The following RARB variants were observed in gnomAD, a reference collection of about 807,000 sequenced individuals.
RARB encodes retinoic acid receptor beta, also known as HBV-activated protein.
Under a neutral mutation model 51.9 loss-of-function variants are expected in RARB, and 17 were observed. The ratio of observed to expected loss-of-function variants is 0.33; its 90% CI spans 0.22 to 0.49. The LOEUF (loss-of-function observed/expected upper bound fraction) is 0.49. Among genes scored for constraint, RARB ranks in the 20% least tolerant of loss-of-function variants. The pLI is 0.99. For synonymous variants in RARB, 215 were observed against 195.4 expected, an observed-to-expected ratio of 1.10 and a Z score of -0.84; for missense variants, 369 against 550.8, an observed-to-expected ratio of 0.67 and a Z score of 3.30.
intron 2 of RARB, among the ~76,000 whole-genome samples, chr3:24,901,950 A>G (rs942400885): frequency 6.6e-6 from 1 of 151,984 alleles, no homozygotes; most frequent in African/African-American, 2.4e-5. Flanking sequence ...GTAATGACCA[A>G]GACTGCAATT....
At chr3:25,595,536 T>C (rs1285590652) in intron 7 of RARB, among the ~76,000 whole-genome samples, 3 of 152,198 alleles carry the variant, frequency 2.0e-5, no homozygotes, top group Non-Finnish European at 4.4e-5. Flanking sequence ...TACGGTATCT[T>C]TGATTTTTAA....
intron 1 of RARB, among the ~76,000 whole-genome samples, chr3:25,449,217 G>A (rs186910664): frequency 2.5e-4 from 38 of 152,124 alleles, no homozygotes; most frequent in African/African-American, 9.2e-4. Context: ...GCCGCCAGAG[G>A]CCTTTGGAAT....
intron 2 of RARB, among the ~76,000 whole-genome samples, chr3:24,933,947 T>C (rs1005387596): frequency 3.3e-5 from 5 of 152,164 alleles, no homozygotes; most frequent in African/African-American, 1.2e-4. Flanking sequence ...ATCAACTGTA[T>C]ACATTCTAAT....
At chr3:24,962,952 G>T (rs1383469183) in intron 2 of RARB, among the ~76,000 whole-genome samples, 1 of 152,080 alleles carries the variant, frequency 6.6e-6, no homozygotes, top group Non-Finnish European at 1.5e-5. Context: ...TAAGTAATTT[G>T]CCGAAGTCAC....
chr3:24,883,230 G>A (rs1002195845), intron 2 of RARB, among the ~76,000 whole-genome samples: 1 of 152,162 alleles, frequency 6.6e-6, no homozygotes, highest in African/African-American at 2.4e-5. Context: ...TTTCCCAAAA[G>A]CAAGTTGCAT....
At chr3:25,406,192 C>A (rs192559623) in intron 5 of RARB, among the ~76,000 whole-genome samples, 1 of 152,286 alleles carries the variant, frequency 6.6e-6, no homozygotes, top group East Asian at 1.9e-4. Context: ...ATATACATAC[C>A]CACCTTTTGG....
At chr3:25,051,158 A>C (rs2125299646) in intron 2 of RARB, among the ~76,000 whole-genome samples, 1 of 152,338 alleles carries the variant, frequency 6.6e-6, no homozygotes, top group Non-Finnish European at 1.5e-5. Context: ...GTAAGTGAAA[A>C]TGTCTGATTA....
At chr3:25,448,867 A>C (rs1449410589) in intron 1 of RARB, among the ~76,000 whole-genome samples, 1 of 152,124 alleles carries the variant, frequency 6.6e-6, no homozygotes, top group Non-Finnish European at 1.5e-5. Context: ...GTCTACTTCA[A>C]GTTACTCCTC....
intron 3 of RARB, among the ~76,000 whole-genome samples, chr3:25,516,009 G>A (rs762787991): frequency 1.3e-5 from 2 of 152,196 alleles, no homozygotes; most frequent in Non-Finnish European, 2.9e-5. Flanking sequence ...TCTTCAGGCA[G>A]TGTTTTAACA....
At position 25,590,745 on chromosome 3, in the gene RARB, C is replaced by A. The variant is rs568703571; in HGVS notation, c.787-2758C>A. 1.5e-4 allele frequency among the ~76,000 whole-genome samples: 23 copies of A among 152,286 alleles called. No homozygotes were observed. In the South Asian group the frequency reaches 4.1e-3, roughly 27 times the overall value. On this transcript the variant is annotated intron_variant, in intron 5 of 7. Transcript: ENST00000330688. Reference sequence around the variant, plus strand: ...GTGTGGGCCAGGCTGGTCTCGAGTTCCTGACTGCAGATGATCTATCCGCCT... The same window carrying A: ...GTGTGGGCCAGGCTGGTCTCGAGTTACTGACTGCAGATGATCTATCCGCCT...
At chr3:25,433,413 T>G (rs1050175087) in intron 1 of RARB, among the ~76,000 whole-genome samples, 15 of 152,372 alleles carry the variant, frequency 9.8e-5, no homozygotes, top group African/African-American at 3.1e-4. Flanking sequence ...CTTATGAACA[T>G]GAATTCCTTT....
At chr3:24,956,437 A>C (rs4340667) in intron 2 of RARB, among the ~76,000 whole-genome samples, 1 of 152,228 alleles carries the variant, frequency 6.6e-6, no homozygotes, top group African/African-American at 2.4e-5. Context: ...CATATGAACA[A>C]TACTCATGTA....
intron 1 of RARB, among the ~76,000 whole-genome samples, chr3:25,429,602 C>T (rs1279326267): frequency 6.6e-6 from 1 of 152,170 alleles, no homozygotes; most frequent in Non-Finnish European, 1.5e-5. Context: ...CCATATCTTG[C>T]AGTTCAGCCC....
chr3:25,098,620 G>T (rs1173457772), intron 3 of RARB, among the ~76,000 whole-genome samples: 1 of 152,110 alleles, frequency 6.6e-6, no homozygotes, highest in African/African-American at 2.4e-5. Flanking sequence ...TGTGAATAAG[G>T]TTTTATTAGA....
chr3:24,901,858 A>C (rs1034458205), intron 2 of RARB, among the ~76,000 whole-genome samples: 1 of 152,142 alleles, frequency 6.6e-6, no homozygotes, highest in African/African-American at 2.4e-5. Context: ...AGCATTTACT[A>C]TACCAGGTGC....
intron 2 of RARB, among the ~76,000 whole-genome samples, chr3:24,903,696 A>C (rs956325796): frequency 6.6e-6 from 1 of 152,160 alleles, no homozygotes; most frequent in Non-Finnish European, 1.5e-5. Context: ...CTTGATGTTC[A>C]AGTGGAAAGA....
chr3:24,997,528 A>G (rs1279014239), intron 2 of RARB, among the ~76,000 whole-genome samples: 1 of 151,402 alleles, frequency 6.6e-6, no homozygotes, highest in East Asian at 1.9e-4. Context: ...TTAATTTCTT[A>G]TTGTTTATTT....
intron 2 of RARB, among the ~76,000 whole-genome samples, chr3:24,863,916 C>T (rs1032254630): frequency 6.6e-6 from 1 of 152,044 alleles, no homozygotes; most frequent in African/African-American, 2.4e-5. Flanking sequence ...CATACCTTCT[C>T]CTGTTCAAGG....
At chr3:24,913,572 G>T (rs974941314) in intron 2 of RARB, among the ~76,000 whole-genome samples, 1 of 152,014 alleles carries the variant, frequency 6.6e-6, no homozygotes, top group African/African-American at 2.4e-5. Flanking sequence ...AGGAAATATT[G>T]TTACAAAAAT....
Sources: gnomAD v4.1 joint callset for allele counts (sites outside exome capture counted in the v4.1 genomes callset) on GRCh38, gnomAD v4.1.1 for gene constraint, MANE v1.5 for transcripts, NCBI Gene and HGNC (gene_info 2026-07-23, HGNC 2026-07-21) for gene names.